The following NEK10 variants were observed in gnomAD, a reference collection of about 807,000 sequenced individuals.
NEK10 encodes NIMA related kinase 10, also known as serine/threonine-protein kinase Nek10.
In NEK10, 122 loss-of-function variants were observed where a neutral mutation model predicts 159.8. The ratio of observed to expected loss-of-function variants is 0.76; its 90% CI spans 0.66 to 0.89. The LOEUF (loss-of-function observed/expected upper bound fraction) is 0.89. Ranked by LOEUF, NEK10 falls within the 40% of genes least tolerant of loss-of-function variation. The probability of loss-of-function intolerance (pLI) is 0.00; values close to 1 mark genes in which losing one functional copy is unlikely to be tolerated. For synonymous variants in NEK10, 466 were observed against 457.1 expected (o/e 1.02, Z -0.25); for missense variants, 1,342 against 1,323.1 (o/e 1.01, Z -0.22).
intron 32 of NEK10, among the ~76,000 whole-genome samples, chr3:27,125,977 C>T (rs1476213534): frequency 6.6e-6 from 1 of 152,098 alleles, no homozygotes; most frequent in Non-Finnish European, 1.5e-5. Flanking sequence ...GAAGGAGAGC[C>T]CTGCTATAGG....
chr3:27,224,935 G>A (rs1475794995), intron 23 of NEK10, among the ~76,000 whole-genome samples: 1 of 152,116 alleles, frequency 6.6e-6, no homozygotes, highest in Non-Finnish European at 1.5e-5. Context: ...ACTACATGAA[G>A]ATCCAGAGCT....
intron 30 of NEK10, among the ~76,000 whole-genome samples, chr3:27,143,225 C>T (rs1943957097): frequency 6.6e-6 from 1 of 152,112 alleles, no homozygotes; most frequent in Non-Finnish European, 1.5e-5. Flanking sequence ...TGTAACATGA[C>T]CAAGTTGTTA....
At chr3:27,244,212 T>A (rs1250104899) in intron 23 of NEK10, among the ~76,000 whole-genome samples, 1 of 152,162 alleles carries the variant, frequency 6.6e-6, no homozygotes, top group Non-Finnish European at 1.5e-5. Context: ...AAGATTTAAT[T>A]TTCACAATTC....
intron 30 of NEK10, among the ~76,000 whole-genome samples, chr3:27,157,420 C>T (rs1259465716): frequency 1.3e-5 from 2 of 152,092 alleles, no homozygotes; most frequent in African/African-American, 4.8e-5. Flanking sequence ...TTTAAAACTT[C>T]AGTAGAAGAA....
chr3:27,317,781 G>GTTTATTTA (rs568337309), intron 6 of NEK10, among the ~76,000 whole-genome samples: 2 of 151,822 alleles, frequency 1.3e-5, no homozygotes, highest in East Asian at 1.9e-4. Flanking sequence ...GCTCCATAAA[G>GTTTATTTA]TTTATTTATT....
chr3:27,327,908 A>G (rs1255477977), intron 5 of NEK10, among the ~76,000 whole-genome samples: 2 of 150,376 alleles, frequency 1.3e-5, no homozygotes, highest in Non-Finnish European at 3.0e-5. Context: ...TAGCTGAAAA[A>G]GTAAAATTCA....
At chr3:27,204,288 TTTTTTTG>T (rs1950302749) in intron 23 of NEK10, among the ~76,000 whole-genome samples, 1 of 119,332 alleles carries the variant, frequency 8.4e-6, no homozygotes, top group Non-Finnish European at 1.7e-5. Context: ...TTTTTTTTTT[TTTTTTTG>T]TTGTTGTTTT....
intron 29 of NEK10, among the ~76,000 whole-genome samples, chr3:27,165,817 C>T (rs912711419): frequency 8.5e-5 from 13 of 152,122 alleles, no homozygotes; most frequent in African/African-American, 2.9e-4. Context: ...ATAGACTTTT[C>T]GCTGAATTAA....
At chr3:27,172,749 T>C (rs1947125931) in intron 28 of NEK10, among the ~76,000 whole-genome samples, 1 of 152,058 alleles carries the variant, frequency 6.6e-6, no homozygotes, top group South Asian at 2.1e-4. Context: ...TAGGTACAAA[T>C]ATATTATATA....
At chr3:27,259,066 GTT>G (rs139913702) in intron 22 of NEK10, among the ~76,000 whole-genome samples, 1 of 148,468 alleles carries the variant, frequency 6.7e-6, no homozygotes, top group Non-Finnish European at 1.5e-5. Context: ...TGATGCAGTT[GTT>G]TTTTTTTTAT....
intron 1 of NEK10, among the ~76,000 whole-genome samples, chr3:27,362,803 C>T (rs546758314): frequency 4.6e-5 from 7 of 151,936 alleles, no homozygotes; most frequent in South Asian, 4.2e-4. Context: ...ATCTGTCCAC[C>T]GTCACTGCCA....
chr3:27,203,252 A>T (rs1218410420), intron 23 of NEK10, among the ~76,000 whole-genome samples: 1 of 152,168 alleles, frequency 6.6e-6, no homozygotes, highest in Non-Finnish European at 1.5e-5. Context: ...CTTTGTGGTG[A>T]CTAATGATAA....
In NEK10 at chr3:27,258,339, T is replaced by G. The variant is rs10154862; in HGVS notation, c.2015-1968A>C. Among the ~76,000 whole-genome samples the G allele has an allele frequency of 3.1e-3, 470 of 151,814 alleles. 5 individuals are homozygous for G. The highest frequency in any genetic ancestry group is 0.011 in the African/African-American group (437 of 41,404). On this transcript the variant is annotated intron_variant, in intron 22 of 35. Transcript: ENST00000691995. ...CACCCAGTAACTCGTCATTTAACAT[T>G]AGGTATATCTCCAAATGCTATCCCT...
chr3:27,230,399 T>C (rs1368165658), intron 23 of NEK10, among the ~76,000 whole-genome samples: 2 of 151,974 alleles, frequency 1.3e-5, no homozygotes, highest in Non-Finnish European at 2.9e-5. Context: ...AAGTTCAATG[T>C]GCACCAAAAT....
intron 3 of NEK10, among the ~76,000 whole-genome samples, chr3:27,350,537 C>T (rs1162716138): frequency 6.6e-6 from 1 of 151,990 alleles, no homozygotes; most frequent in Non-Finnish European, 1.5e-5. Flanking sequence ...TTTTGTAAAC[C>T]TAAGGATCTT....
intron 26 of NEK10, among the ~76,000 whole-genome samples, chr3:27,188,257 C>G (rs1226609930): frequency 2.0e-5 from 3 of 152,074 alleles, no homozygotes; most frequent in Non-Finnish European, 4.4e-5. Context: ...ATTTATTTAC[C>G]CAAAATGTTC....
chr3:27,133,667 G>A (rs1033754470), intron 31 of NEK10, among the ~76,000 whole-genome samples: 12 of 152,156 alleles, frequency 7.9e-5, no homozygotes, highest in Non-Finnish European at 1.8e-4. Flanking sequence ...CCAGCTACTT[G>A]GGAGGCTGAG....
In NEK10 at chr3:27,290,687, C is replaced by A; in HGVS notation, c.1673G>T (p.Gly558Val). 6.2e-7 allele frequency: 1 copy of A among 1,607,724 alleles called. No homozygotes were observed. The highest frequency in any genetic ancestry group is 1.7e-5 in the Admixed American group (1 of 59,872). Residue 558 changes from glycine (G) to valine (V), a missense_variant, in exon 19 of 36, where the codon GGA becomes GTA. By Grantham distance (109) the Gly-to-Val change is moderately radical. Coordinates refer to ENST00000691995, the MANE Select transcript of NEK10 (RefSeq NM_001394966.1). ...GCTGTCTCGATCTTTCTTATCCTTT[C>A]CAAATGCTGGGTTATGTAAATTGAC... ...KEVNLHNPAF[G>V]KDKKDRDSSV...
chr3:27,296,299 G>A (rs2043349541), intron 14 of NEK10, among the ~76,000 whole-genome samples: 1 of 152,010 alleles, frequency 6.6e-6, no homozygotes, highest in Non-Finnish European at 1.5e-5. Flanking sequence ...TAACAACTCT[G>A]TGAAATTAGT....
Sources: allele counts gnomAD v4.1 joint callset (sites outside exome capture counted in the v4.1 genomes callset), GRCh38; gene constraint gnomAD v4.1.1; transcripts MANE v1.5; gene names NCBI Gene and HGNC (gene_info 2026-07-23, HGNC 2026-07-21).